TIMM8A: variants seen among roughly 807,000 people sequenced by gnomAD.
TIMM8A encodes the protein translocase of inner mitochondrial membrane 8A.
TIMM8A carries 2 observed loss-of-function variants against 6.8 expected under a neutral mutation model. The ratio of observed to expected loss-of-function variants is 0.30; its 90% confidence interval spans 0.12 to 0.93. The LOEUF (loss-of-function observed/expected upper bound fraction) is 0.93, where lower values mean the gene tolerates loss of function less well. TIMM8A is among the 40% of genes least tolerant of loss of function. TIMM8A has a pLI of 0.55. For missense variants in TIMM8A, 34 were observed against 75.2 expected (o/e 0.45, Z 2.02); for synonymous variants, 26 against 28.5 (o/e 0.91, Z 0.28).
chrX:101,348,174 C>G, intron 1 of TIMM8A: 1 of 1,088,030 alleles, frequency 9.2e-7, no homozygotes, highest in African/African-American at 1.9e-5. Flanking sequence ...TTCACTGACT[C>G]TCTGGGACTC....
Position 101,346,469 on chromosome X carries a change from C to T in TIMM8A, c.*30G>A, listed in dbSNP as rs782801850. On this transcript the variant is annotated 3_prime_UTR_variant, in exon 2 of 2. Transcript: ENST00000372902. ...CAACAGCTCTTCATTTCTTGAACTACCTTCCTTTTCCAAAGAGGTAATGCT... is the reference window on the plus strand; with the variant it reads ...CAACAGCTCTTCATTTCTTGAACTATCTTCCTTTTCCAAAGAGGTAATGCT... The T allele has an allele frequency of 9.0e-5, 109 of 1,208,860 alleles. No homozygotes were observed. In the Middle Eastern group the frequency reaches 1.3e-3, roughly 14 times the overall value.
At chrX:101,348,445 C>G (rs1555976359) in intron 1 of TIMM8A, 88 bp downstream of exon 1, 1 of 516,305 alleles carries the variant, frequency 1.9e-6, no homozygotes, top group Admixed American at 2.6e-5. Flanking sequence ...CCCCCCACCC[C>G]GAATCCCCGA....
At chrX:101,348,058 C>G in intron 1 of TIMM8A, 2 of 952,016 alleles carry the variant, frequency 2.1e-6, no homozygotes, top group Non-Finnish European at 2.6e-6. Context: ...GAGATTACAC[C>G]ACTTTTATAG....
At chrX:101,346,696 T>C (rs1555976138) in intron 1 of TIMM8A, 36 bp from the exon 2 acceptor site, 1 of 1,203,061 alleles carries the variant, frequency 8.3e-7, no homozygotes, top group Non-Finnish European at 1.1e-6. Context: ...CAAAGGGAAC[T>C]TGGAAAGAAA....
chrX:101,347,945 A>C, intron 1 of TIMM8A: 4 of 701,212 alleles, frequency 5.7e-6, no homozygotes, highest in Non-Finnish European at 6.9e-6. Context: ...CTTTTGCCAA[A>C]GTCCCCTCAC....
Position 101,346,755 on chromosome X carries a change from A to G in TIMM8A, c.133-95T>C, listed in dbSNP as rs1569288718. On this transcript the variant is annotated intron_variant, in intron 1 of 1. Coordinates refer to ENST00000372902, the MANE Select transcript of TIMM8A (RefSeq NM_004085.4). ...CTTTTTGTTGCTTAGAGAAAAAAAA[A>G]CTTTACCTAAAAATAATATCTGATA... 6.4e-6 allele frequency: 6 copies of G among 931,373 alleles called. No homozygotes were observed. The East Asian group carries it at 1.9e-4, about 29-fold the overall frequency. The allele number at this position is 931,373 out of a possible 1,213,427, so 76.8% of individuals were successfully genotyped here.
chrX:101,346,074 A>C lies in TIMM8A; in HGVS notation c.*425T>G. On this transcript the variant is annotated 3_prime_UTR_variant, in exon 2 of 2. Coordinates refer to ENST00000372902, the MANE Select transcript of TIMM8A (RefSeq NM_004085.4). ...ATTGACAATCAAACACTAGATAAGGATACCAAATTATTCTTCCCCTACTTC... is the reference window on the plus strand; with the variant it reads ...ATTGACAATCAAACACTAGATAAGGCTACCAAATTATTCTTCCCCTACTTC... The C allele has an allele frequency of 1.2e-6, 1 of 826,190 alleles. No homozygotes were observed. Among genetic ancestry groups the C allele is most frequent in the Non-Finnish European group, 1.5e-6 (1 of 685,396 alleles). The allele number at this position is 826,190 out of a possible 1,213,427, so 68.1% of individuals were successfully genotyped here.
At chrX:101,346,768 A>T in intron 1 of TIMM8A, 108 bp from the exon 2 acceptor site, 2 of 759,177 alleles carry the variant, frequency 2.6e-6, no homozygotes, top group East Asian at 6.4e-5. Flanking sequence ...TTACCTAAAA[A>T]TAATATCTGA....
chrX:101,346,116 C>T lies in TIMM8A; in HGVS notation c.*383G>A. 2 of 847,985 alleles carry T rather than the reference C, an allele frequency of 2.4e-6. No individual in the cohort carries two copies. Among genetic ancestry groups the T allele is most frequent in the Non-Finnish European group, 2.9e-6 (2 of 698,164 alleles). 69.9% of individuals were successfully genotyped at this position (847,985 alleles called of 1,213,427 possible). ...CCCTACTTCTGCCCTTTCTGATAAA[C>T]ACAAGGATCTCCCCTGAAATCAGAA... On this transcript the variant is annotated 3_prime_UTR_variant, in exon 2 of 2. Coordinates refer to ENST00000372902, the MANE Select transcript of TIMM8A (RefSeq NM_004085.4).
chrX:101,348,729 C>A lies in TIMM8A; in HGVS notation c.-65G>T. On this transcript the variant is annotated 5_prime_UTR_variant, in exon 1 of 2. Coordinates refer to ENST00000372902, the MANE Select transcript of TIMM8A (RefSeq NM_004085.4). ...ACCTTCACGTGTCTCCGCGACGGAA[C>A]CGGAACCACAGCTAGCTGCCTCTGG... 1 of 1,199,452 alleles carries A rather than the reference C, an allele frequency of 8.3e-7. No homozygotes were observed. Among genetic ancestry groups the A allele is most frequent in the East Asian group, 3.0e-5 (1 of 33,565 alleles).
chrX:101,346,411 A>G lies in TIMM8A; in HGVS notation c.*88T>C. 1 of 1,208,886 alleles carries G rather than the reference A, an allele frequency of 8.3e-7. No individual in the cohort carries two copies. Among genetic ancestry groups the G allele is most frequent in the Non-Finnish European group, 1.1e-6 (1 of 894,492 alleles). ...CAAGAGTAACAAAAGATGGGAGCCA[A>G]TCCTCTCATAGCTGTTTCTTCAATC... On this transcript the variant is annotated 3_prime_UTR_variant, in exon 2 of 2. Coordinates refer to ENST00000372902, the MANE Select transcript of TIMM8A (RefSeq NM_004085.4).
At chrX:101,347,948 C>G in intron 1 of TIMM8A, 1 of 709,580 alleles carries the variant, frequency 1.4e-6, no homozygotes, top group Non-Finnish European at 1.7e-6. Flanking sequence ...TTGCCAAAGT[C>G]CCCTCACAGG....
intron 1 of TIMM8A, chrX:101,348,085 A>G (rs1926124328): frequency 3.0e-6 from 3 of 1,013,208 alleles, no homozygotes; most frequent in East Asian, 7.9e-5. Flanking sequence ...GGCTGGAGCC[A>G]CTCATTTTTC....
rs73558966 is a variant in TIMM8A, at chrX:101,346,854, C to T, written c.133-194G>A. 28,981 of 421,487 alleles carry T rather than the reference C, an allele frequency of 0.069. 752 individuals carry two copies. The highest frequency in any genetic ancestry group is 0.1 in the Admixed American group (2,397 of 23,199). 34.7% of individuals were successfully genotyped at this position (421,487 alleles called of 1,213,427 possible). A position where few individuals can be genotyped will look rare whatever the true frequency, so the allele number is the denominator to read the frequency against. On this transcript the variant is annotated intron_variant, in intron 1 of 1. Transcript: ENST00000372902. ...TCTCTAGCCTTACATTAAATTCTTA[C>T]AACAATACTATGGAATAGATACTAT...
chrX:101,346,589 C>T lies in TIMM8A; in HGVS notation c.204G>A (p.Glu68=), dbSNP rs1926075194. The change falls in exon 2 of 2, where the codon GAG becomes GAA. Residue 68 remains glutamate (E), a synonymous_variant. Transcript: ENST00000372902. ...TGAACTGGCTTGTATCAATGAAGCG[C>T]TCAACGCAGTTCACAAAACAGGCCT... ...RAEACFVNCV[E]RFIDTSQFIL... 2 of 1,210,331 alleles carry T rather than the reference C, an allele frequency of 1.7e-6. No homozygotes were observed. Among genetic ancestry groups the T allele is most frequent in the African/African-American group, 1.7e-5 (1 of 57,271 alleles).
In TIMM8A at chrX:101,348,623, T is replaced by C; in HGVS notation, c.42A>G (p.Ala14=). 8.3e-7 allele frequency: 1 copy of C among 1,211,184 alleles called. No individual in the cohort carries two copies. Among genetic ancestry groups the C allele is most frequent in the Admixed American group, 2.2e-5 (1 of 46,033 alleles). ...TGAAATGCTGCAACTGCGGGTCCAC[T>C]GCACCCAAACCCGCCGCGGAGGAAG... ...SSSSSAAGLG[A]VDPQLQHFIE... The change falls in exon 1 of 2, where the codon GCA becomes GCG. Residue 14 remains alanine (A), a synonymous_variant. Coordinates refer to ENST00000372902, the MANE Select transcript of TIMM8A (RefSeq NM_004085.4).
intron 1 of TIMM8A, chrX:101,346,940 T>C (rs782636275): frequency 3.9e-5 from 11 of 278,784 alleles, no homozygotes; most frequent in South Asian, 3.5e-4. Flanking sequence ...CCCAAAATCA[T>C]AGGGCCAGAA....
Position 101,345,842 on chromosome X carries a change from A to T in TIMM8A, c.*657T>A, listed in dbSNP as rs1569288412. On this transcript the variant is annotated 3_prime_UTR_variant, in exon 2 of 2. Coordinates refer to ENST00000372902, the MANE Select transcript of TIMM8A (RefSeq NM_004085.4). ...TGTACCCTGATATACAGGGTAAGTT[A>T]ATTTCTTCCTTGTGGCAGTCTAGTA... The T allele has an allele frequency of 1.3e-6, 1 of 750,730 alleles. No homozygotes were observed. Among genetic ancestry groups the T allele is most frequent in the East Asian group, 1.5e-4 (1 of 6,566 alleles). 61.9% of individuals were successfully genotyped at this position (750,730 alleles called of 1,213,427 possible). A position where few individuals can be genotyped will look rare whatever the true frequency, so the allele number is the denominator to read the frequency against.
intron 1 of TIMM8A, 170 bp downstream of exon 1, chrX:101,348,363 C>T: frequency 8.5e-7 from 1 of 1,170,980 alleles, no homozygotes; most frequent in Non-Finnish European, 1.1e-6. Context: ...CCCAGAGAAG[C>T]GGAGTCACCC....
Sources: gnomAD v4.1 joint callset for allele counts on GRCh38, gnomAD v4.1.1 for gene constraint, MANE v1.5 for transcripts, NCBI Gene and HGNC (gene_info 2026-07-23, HGNC 2026-07-21) for gene names.